Variants in CRB1 observed in about 807,000 individuals in gnomAD.
CRB1 encodes crumbs cell polarity complex component 1.
A neutral mutation model predicts 120.0 loss-of-function variants in CRB1; 83 were observed. The ratio of observed to expected loss-of-function variants is 0.69; its 90% confidence interval spans 0.58 to 0.83. CRB1 has a LOEUF of 0.83. Among genes scored for constraint, CRB1 ranks in the 40% least tolerant of loss-of-function variants. The pLI is 0.00. For missense variants in CRB1, 1,699 were observed against 1,687.6 expected (o/e 1.01, Z -0.12); for synonymous variants, 625 against 612.5 (o/e 1.02, Z -0.30).
chr1:197,315,379 T>C (rs2125279701), intron 1 of CRB1, among the ~76,000 whole-genome samples: 1 of 152,306 alleles, frequency 6.6e-6, no homozygotes, highest in East Asian at 1.9e-4. Flanking sequence ...TCGGAAAAGC[T>C]TGGGGTTGAC....
At chr1:197,334,809 G>A (rs1659059236) in intron 2 of CRB1, among the ~76,000 whole-genome samples, 2 of 152,190 alleles carry the variant, frequency 1.3e-5, no homozygotes, top group African/African-American at 4.8e-5. Flanking sequence ...GTACCTCAAT[G>A]AATTGGGCAT....
At chr1:197,412,224 T>C (rs780133023) in intron 5 of CRB1, among the ~76,000 whole-genome samples, 2 of 152,226 alleles carry the variant, frequency 1.3e-5, no homozygotes, top group Non-Finnish European at 2.9e-5. Flanking sequence ...ATTCAATAAG[T>C]ATGCCTTATA....
At chr1:197,471,549 C>T (rs898100596) in intron 11 of CRB1, among the ~76,000 whole-genome samples, 2 of 152,192 alleles carry the variant, frequency 1.3e-5, no homozygotes, top group Non-Finnish European at 2.9e-5. Flanking sequence ...TGCCTGGTGG[C>T]TCTCTGATCG....
intron 1 of CRB1, among the ~76,000 whole-genome samples, chr1:197,283,806 T>C (rs563097086): frequency 5.9e-5 from 9 of 151,330 alleles, no homozygotes; most frequent in African/African-American, 2.2e-4. Flanking sequence ...CAGATTATTA[T>C]TTATATTAAA....
intron 11 of CRB1, among the ~76,000 whole-genome samples, chr1:197,473,820 G>A (rs916653272): frequency 7.3e-5 from 11 of 150,180 alleles, no homozygotes; most frequent in African/African-American, 1.7e-4. Context: ...TCCTAGTGCC[G>A]TATATTTTAA....
intron 4 of CRB1, among the ~76,000 whole-genome samples, chr1:197,354,109 A>G (rs981030084): frequency 6.6e-6 from 1 of 152,096 alleles, no homozygotes; most frequent in African/African-American, 2.4e-5. Context: ...ACTATATTTT[A>G]TCCAACCAGC....
chr1:197,435,430 C>T lies in CRB1; in HGVS notation c.3567C>T (p.Gly1189=), dbSNP rs923918268. ...GCTTTTCAAACCCCTGTATCCATGG[C>T]AACTGCTCTGACAGAGTTGCAGCCT... is the stretch of plus-strand genomic sequence containing the variant. ...DECFSNPCIH[G]NCSDRVAAYH... The change falls in exon 9 of 12, where the codon GGC becomes GGT. Residue 1189 remains glycine (G), a synonymous_variant. Transcript: ENST00000367400. 2.5e-6 allele frequency: 4 copies of T among 1,596,934 alleles called. No individual in the cohort carries two copies. The highest frequency in any genetic ancestry group is 3.4e-6 in the Non-Finnish European group (4 of 1,171,112).
At chr1:197,207,398 T>A in the CRB1 span, among the ~76,000 whole-genome samples, 10 of 152,128 alleles carry the variant, frequency 6.6e-5, no homozygotes, top group Non-Finnish European at 1.2e-4. Context: ...TTAGCAGTTC[T>A]TGTAGTGCTT....
chr1:197,319,284 C>T (rs1247176497), intron 1 of CRB1, among the ~76,000 whole-genome samples: 54 of 44,988 alleles, frequency 1.2e-3, no homozygotes, highest in Admixed American at 2.5e-3. Flanking sequence ...AAAAATTAGC[C>T]GGACGTGGTG....
At chr1:197,464,168 C>T (rs909377441) in intron 11 of CRB1, among the ~76,000 whole-genome samples, 3 of 152,192 alleles carry the variant, frequency 2.0e-5, no homozygotes, top group African/African-American at 7.2e-5. Context: ...TGCTAAATCA[C>T]AGCAGATGGC....
intron 5 of CRB1, among the ~76,000 whole-genome samples, chr1:197,389,909 A>C (rs535602422): frequency 6.6e-6 from 1 of 151,882 alleles, no homozygotes; most frequent in Non-Finnish European, 1.5e-5. Flanking sequence ...ACTCCCTGCC[A>C]CCCTGCTGCG....
chr1:197,429,343 T>G, intron 7 of CRB1, 106 bp from the exon 8 acceptor site: 2 of 1,432,196 alleles, frequency 1.4e-6, no homozygotes, highest in Non-Finnish European at 2.0e-6. Context: ...AATGTAAAGA[T>G]GCAGGGAAAT....
chr1:197,391,665 G>A (rs1662513922), intron 5 of CRB1, among the ~76,000 whole-genome samples: 1 of 152,046 alleles, frequency 6.6e-6, no homozygotes, highest in African/African-American at 2.4e-5. Flanking sequence ...CTTGGGTTTT[G>A]CACATCCAAG....
At chr1:197,417,384 G>A (rs1664061141) in intron 5 of CRB1, among the ~76,000 whole-genome samples, 1 of 152,222 alleles carries the variant, frequency 6.6e-6, no homozygotes, top group Non-Finnish European at 1.5e-5. Flanking sequence ...AAGGGTACGT[G>A]AATCCTGTGG....
chr1:197,341,843 G>A (rs927512986), intron 2 of CRB1, among the ~76,000 whole-genome samples: 1 of 152,168 alleles, frequency 6.6e-6, no homozygotes, highest in Non-Finnish European at 1.5e-5. Context: ...CAAGAGGGAA[G>A]GTTGGCTTTC....
At chr1:197,228,065 G>T in the CRB1 span, among the ~76,000 whole-genome samples, 1 of 152,160 alleles carries the variant, frequency 6.6e-6, no homozygotes, top group African/African-American at 2.4e-5. Context: ...AGGTCCTGGG[G>T]CCGGGCCCAT....
At chr1:197,262,705 G>A in the CRB1 span, among the ~76,000 whole-genome samples, 6 of 152,030 alleles carry the variant, frequency 3.9e-5, no homozygotes, top group African/African-American at 1.4e-4. Context: ...ATAGTCCTCA[G>A]TGTCTATTGT....
At chr1:197,331,209 G>C (rs1211131890) in intron 2 of CRB1, among the ~76,000 whole-genome samples, 2 of 151,678 alleles carry the variant, frequency 1.3e-5, no homozygotes, top group African/African-American at 4.8e-5. Flanking sequence ...CAGTATTTGT[G>C]AGTAATGGCT....
chr1:197,368,210 T>C (rs973193464), intron 5 of CRB1, among the ~76,000 whole-genome samples: 2 of 152,166 alleles, frequency 1.3e-5, no homozygotes, highest in Admixed American at 6.5e-5. Context: ...GAAATGCACT[T>C]TTTTTTCTTA....
Sources: gnomAD v4.1 joint callset for allele counts (sites outside exome capture counted in the v4.1 genomes callset) on GRCh38, gnomAD v4.1.1 for gene constraint, MANE v1.5 for transcripts, NCBI Gene and HGNC (gene_info 2026-07-23, HGNC 2026-07-21) for gene names.